PDE4D: variants seen among roughly 807,000 people sequenced by gnomAD.
PDE4D encodes phosphodiesterase 4D, also known as 3',5'-cyclic-AMP phosphodiesterase 4D.
A neutral mutation model predicts 87.4 loss-of-function variants in PDE4D; 24 were observed. The ratio of observed to expected loss-of-function variants is 0.27; its 90% CI spans 0.20 to 0.39. PDE4D has a LOEUF of 0.39. Among genes scored for constraint, PDE4D ranks in the 10% least tolerant of loss-of-function variants. The probability of loss-of-function intolerance (pLI) is 1.00; values close to 1 mark genes in which losing one functional copy is unlikely to be tolerated. For missense variants in PDE4D, 714 were observed against 1,041.0 expected (o/e 0.69, Z 4.32); for synonymous variants, 384 against 383.2 (o/e 1.00, Z -0.02).
intron 1 of PDE4D, among the ~76,000 whole-genome samples, chr5:59,692,249 CT>C (rs1202941513): frequency 6.6e-6 from 1 of 152,094 alleles, no homozygotes; most frequent in Non-Finnish European, 1.5e-5. Context: ...AGAGAGAGCT[CT>C]TGGTCTTCTT....
intron 1 of PDE4D, among the ~76,000 whole-genome samples, chr5:60,267,220 G>C (rs1252554369): frequency 6.6e-6 from 1 of 152,204 alleles, no homozygotes; most frequent in Non-Finnish European, 1.5e-5. Flanking sequence ...GATGAGAGAG[G>C]AGAGGAAATC....
At chr5:59,485,811 G>T (rs981930132) in intron 1 of PDE4D, among the ~76,000 whole-genome samples, 9 of 152,040 alleles carry the variant, frequency 5.9e-5, no homozygotes, top group South Asian at 4.1e-4. Flanking sequence ...GAGAATGCAG[G>T]ATTGCCAGGG....
intron 1 of PDE4D, among the ~76,000 whole-genome samples, chr5:59,222,210 C>T (rs368449759): frequency 9.9e-5 from 15 of 152,212 alleles, no homozygotes; most frequent in African/African-American, 3.6e-4. Context: ...TACCTTTCAT[C>T]CACGCTCTCA....
chr5:60,016,173 AT>A (rs1032971148), intron 2 of PDE4D, among the ~76,000 whole-genome samples: 1 of 151,754 alleles, frequency 6.6e-6, no homozygotes, highest in South Asian at 2.1e-4. Flanking sequence ...ACTCACATGA[AT>A]TTTTTTGTTT....
chr5:60,514,396 A>G (rs1458518141), intron 1 of PDE4D, among the ~76,000 whole-genome samples: 2 of 152,078 alleles, frequency 1.3e-5, no homozygotes, highest in Non-Finnish European at 2.9e-5. Flanking sequence ...TTAAAAGAAA[A>G]GAAAAGTCAA....
intron 1 of PDE4D, among the ~76,000 whole-genome samples, chr5:60,370,819 G>C (rs1248115466): frequency 6.6e-6 from 1 of 151,990 alleles, no homozygotes; most frequent in East Asian, 1.9e-4. Context: ...GAGGGAGGGA[G>C]AGAGAAAATG....
intron 3 of PDE4D, among the ~76,000 whole-genome samples, chr5:59,939,229 G>A (rs906824660): frequency 6.6e-6 from 1 of 152,176 alleles, no homozygotes; most frequent in Non-Finnish European, 1.5e-5. Flanking sequence ...GTAGCTATGT[G>A]TGTGTGTAGT....
At chr5:59,794,151 A>ATG (rs1766176665) in intron 1 of PDE4D, among the ~76,000 whole-genome samples, 1 of 119,026 alleles carries the variant, frequency 8.4e-6, no homozygotes, top group African/African-American at 2.7e-5. Context: ...ACACACACAC[A>ATG]CACACACACA....
intron 1 of PDE4D, among the ~76,000 whole-genome samples, chr5:59,492,415 C>T (rs1284069988): frequency 1.3e-5 from 2 of 152,188 alleles, no homozygotes; most frequent in Admixed American, 1.3e-4. Flanking sequence ...CAACATTTTA[C>T]TTGTGCCAGT....
chr5:60,077,356 T>C (rs535517091), intron 2 of PDE4D, among the ~76,000 whole-genome samples: 1 of 152,200 alleles, frequency 6.6e-6, no homozygotes, highest in East Asian at 1.9e-4. Context: ...GGTGAGTATG[T>C]GAAGGCCAAG....
upstream of PDE4D, among the ~76,000 whole-genome samples, chr5:60,488,795 C>G (rs1326822868): frequency 6.6e-6 from 1 of 152,054 alleles, no homozygotes; most frequent in Non-Finnish European, 1.5e-5. Flanking sequence ...TATCTATGTT[C>G]AGAGAGAAAA....
At chr5:60,502,230 G>T (rs1433825644) in intron 1 of PDE4D, among the ~76,000 whole-genome samples, 1 of 152,174 alleles carries the variant, frequency 6.6e-6, no homozygotes, top group Non-Finnish European at 1.5e-5. Context: ...TGGCTAGCCA[G>T]TTTTCCCAGG....
In PDE4D at chr5:59,892,969, T is replaced by TG. The variant is rs1751180100; in HGVS notation, c.455+198dup. Among the ~76,000 whole-genome samples, 5 of 151,556 alleles carry TG rather than the reference T, an allele frequency of 3.3e-5. 1 individual carries two copies. The highest frequency in any genetic ancestry group is 2.1e-4 in the South Asian group (1 of 4,796). On this transcript the variant is annotated intron_variant, in intron 1 of 14. Transcript: ENST00000340635. ...CCAGTTAACATTTATGCAGTACTTT[T>TG]GGGGGGTCTCTTACACACACCTGAA... is the stretch of plus-strand genomic sequence containing the variant.
chr5:59,482,282 A>G (rs1582809351), intron 1 of PDE4D, among the ~76,000 whole-genome samples: 5 of 152,280 alleles, frequency 3.3e-5, no homozygotes, highest in East Asian at 1.9e-4. Flanking sequence ...GCTTCAATTA[A>G]TTAAGTGATG....
intron 5 of PDE4D, among the ~76,000 whole-genome samples, chr5:59,120,698 A>G (rs563275103): frequency 1.4e-4 from 21 of 152,200 alleles, no homozygotes; most frequent in Non-Finnish European, 2.4e-4. Flanking sequence ...ATGGAACCAA[A>G]AAAAAAGCAC....
intron 1 of PDE4D, among the ~76,000 whole-genome samples, chr5:59,773,385 A>G (rs866682902): frequency 6.6e-6 from 1 of 152,130 alleles, no homozygotes; most frequent in Non-Finnish European, 1.5e-5. Context: ...AAAATTGTTT[A>G]TGGTTATTTC....
chr5:59,202,743 C>G (rs1245047232), intron 2 of PDE4D, among the ~76,000 whole-genome samples: 1 of 152,076 alleles, frequency 6.6e-6, no homozygotes, highest in Non-Finnish European at 1.5e-5. Flanking sequence ...CTCTCTTTGC[C>G]TGTTGCCATC....
chr5:60,499,147 C>T (rs757568526), intron 1 of PDE4D, among the ~76,000 whole-genome samples: 3 of 152,176 alleles, frequency 2.0e-5, no homozygotes, highest in Non-Finnish European at 4.4e-5. Context: ...ATGGGCCAAA[C>T]AGAATAAACA....
chr5:60,087,030 G>A (rs952652057), intron 2 of PDE4D, among the ~76,000 whole-genome samples: 7 of 152,170 alleles, frequency 4.6e-5, no homozygotes, highest in African/African-American at 7.2e-5. Flanking sequence ...ACTGAGTTCT[G>A]GTACTCACCT....
Sources: allele counts gnomAD v4.1 joint callset (sites outside exome capture counted in the v4.1 genomes callset), GRCh38; gene constraint gnomAD v4.1.1; transcripts MANE v1.5; gene names NCBI Gene and HGNC (gene_info 2026-07-23, HGNC 2026-07-21).